The following ATOH8 variants were observed in gnomAD, a reference collection of about 807,000 sequenced individuals.
The protein encoded by ATOH8 is transcription factor ATOH8.
A neutral mutation model predicts 21.2 loss-of-function variants in ATOH8; 9 were observed. The ratio of observed to expected loss-of-function variants is 0.42; its 90% confidence interval spans 0.26 to 0.74. ATOH8 has a LOEUF of 0.74. Among genes scored for constraint, ATOH8 ranks in the 30% least tolerant of loss-of-function variants. The pLI is 0.24. For missense variants in ATOH8, 524 were observed against 470.9 expected (o/e 1.11, Z -1.04); for synonymous variants, 253 against 224.0 (o/e 1.13, Z -1.16).
At chr2:85,759,179 G>A (rs1230406675) in intron 1 of ATOH8, among the ~76,000 whole-genome samples, 1 of 152,152 alleles carries the variant, frequency 6.6e-6, no homozygotes, top group Non-Finnish European at 1.5e-5. Flanking sequence ...TGGGAATGGT[G>A]CCCTCAGCAC....
chr2:85,763,948 G>A, intron 1 of ATOH8, 43 bp from the exon 2 acceptor site: 1 of 1,589,816 alleles, frequency 6.3e-7, no homozygotes, highest in Non-Finnish European at 8.6e-7. Flanking sequence ...GCCAGGCTGG[G>A]CACTGCGCCC....
intron 1 of ATOH8, among the ~76,000 whole-genome samples, chr2:85,761,944 TG>T (rs1218385417): frequency 1.3e-5 from 2 of 152,132 alleles, no homozygotes; most frequent in Non-Finnish European, 2.9e-5. Flanking sequence ...TGGAAATGCA[TG>T]GGAGCTGGCT....
Position 85,756,430 on chromosome 2 carries a change from G to A in ATOH8, c.768+1473G>A, listed in dbSNP as rs79745073. Among the ~76,000 whole-genome samples the A allele has an allele frequency of 1.2e-4, 18 of 152,280 alleles. No homozygotes were observed. In the East Asian group the frequency reaches 2.7e-3, roughly 23 times the overall value. ...GTCCACCTGCCCACCTTGCCACTAG[G>A]GAAGCCCCTCCTAGACTGGGGAGGC... On this transcript the variant is annotated intron_variant, in intron 1 of 2. Transcript: ENST00000306279.
Position 85,788,991 on chromosome 2 carries a change from C to T in ATOH8, c.*2101C>T, listed in dbSNP as rs1403988664. On this transcript the variant is annotated 3_prime_UTR_variant, in exon 3 of 3. Coordinates refer to ENST00000306279, the MANE Select transcript of ATOH8 (RefSeq NM_032827.7). The stretch of plus-strand genomic sequence containing the variant: ...AGGTTCAGCCACCCTGTGAAGCTGG[C>T]ACAGATAACAGCACTGCTCTGTTGT... Among the ~76,000 whole-genome samples the T allele has an allele frequency of 7.2e-5, 11 of 152,318 alleles. No individual in the cohort carries two copies. In the East Asian group the frequency reaches 1.5e-3, roughly 21 times the overall value.
At position 85,766,366 on chromosome 2, in the gene ATOH8, C is replaced by T. The variant is rs1680015646; in HGVS notation, c.960+2184C>T. Among the ~76,000 whole-genome samples the T allele has an allele frequency of 6.6e-6, 1 of 152,038 alleles. No homozygotes were observed. Among genetic ancestry groups the T allele is most frequent in the South Asian group, 2.1e-4 (1 of 4,820 alleles). ...CACACCCAGCCCGGGCCTGAGGGCACTTCCTGCCTCCTGCCCTCAGTCTTT... is the reference window on the plus strand; with the variant it reads ...CACACCCAGCCCGGGCCTGAGGGCATTTCCTGCCTCCTGCCCTCAGTCTTT... On this transcript the variant is annotated intron_variant, in intron 2 of 2. Coordinates refer to ENST00000306279, the MANE Select transcript of ATOH8 (RefSeq NM_032827.7). This position sits in a 1 kb window ranked among gnomAD's most constrained non-coding sequence, Gnocchi z 4.0.
intron 2 of ATOH8, among the ~76,000 whole-genome samples, chr2:85,770,270 C>T (rs1292099759): frequency 6.6e-6 from 1 of 152,210 alleles, no homozygotes; most frequent in Non-Finnish European, 1.5e-5. Flanking sequence ...ATCACCTAAC[C>T]ACTAACAGAG....
chr2:85,779,768 C>A (rs35074676), intron 2 of ATOH8, among the ~76,000 whole-genome samples: 33,785 of 152,142 alleles, frequency 0.22, 3,966 homozygotes, highest in African/African-American at 0.26. Flanking sequence ...ATGTGTGCAG[C>A]GGTAGGCACC....
rs760149255 is a variant in ATOH8, at chr2:85,754,209, T to C, written c.20T>C (p.Leu7Pro). Reference protein sequence around the residue: MKHIPVLEDGPWKTVCV... With the variant: MKHIPVPEDGPWKTVCV... ...CGCGCCATGAAGCACATCCCGGTCC[T>C]CGAGGACGGGCCGTGGAAGACCGTG... is the stretch of plus-strand genomic sequence containing the variant. Residue 7 changes from leucine to proline, a missense_variant, in exon 1 of 3, where the codon CTC becomes CCC. Leu to Pro is a moderately conservative substitution (Grantham distance 98). Transcript: ENST00000306279. 5 of 1,597,992 alleles carry C rather than the reference T, an allele frequency of 3.1e-6. No homozygotes were observed. Among genetic ancestry groups the C allele is most frequent in the Admixed American group, 3.4e-5 (2 of 58,990 alleles).
At chr2:85,772,237 C>T (rs1364283857) in intron 2 of ATOH8, among the ~76,000 whole-genome samples, 2 of 152,248 alleles carry the variant, frequency 1.3e-5, no homozygotes, top group Non-Finnish European at 2.9e-5. Context: ...CTTTGTGCCG[C>T]CGGCGAGGAC....
chr2:85,764,645 G>GTCAT (rs889822589), intron 2 of ATOH8, among the ~76,000 whole-genome samples: 2 of 152,162 alleles, frequency 1.3e-5, no homozygotes, highest in South Asian at 4.1e-4. Context: ...GGCGGTGATG[G>GTCAT]TCATTCATTC....
chr2:85,756,277 G>A (rs1679692898), intron 1 of ATOH8, among the ~76,000 whole-genome samples: 1 of 152,168 alleles, frequency 6.6e-6, no homozygotes, highest in Admixed American at 6.5e-5. Flanking sequence ...TGGGTCCAGT[G>A]GAGCAGTCAG....
chr2:85,766,388 C>T lies in ATOH8; in HGVS notation c.960+2206C>T, dbSNP rs1271148156. The stretch of plus-strand genomic sequence containing the variant: ...GCACTTCCTGCCTCCTGCCCTCAGT[C>T]TTTCCCAGCTGGGTGAGGAGGTCAC... On this transcript the variant is annotated intron_variant, in intron 2 of 2. Transcript: ENST00000306279. The surrounding 1 kb of genome is among the most constrained non-coding windows in gnomAD (Gnocchi z 4.0). 6.6e-6 allele frequency among the ~76,000 whole-genome samples: 1 copy of T among 151,936 alleles called. No individual in the cohort carries two copies. The highest frequency in any genetic ancestry group is 1.5e-5 in the Non-Finnish European group (1 of 67,960).
chr2:85,764,389 G>T (rs1426152656), intron 2 of ATOH8, among the ~76,000 whole-genome samples: 1 of 152,176 alleles, frequency 6.6e-6, no homozygotes, highest in Non-Finnish European at 1.5e-5. Flanking sequence ...CGGCTGCTGG[G>T]TGACCTCGAA....
chr2:85,784,109 T>A (rs1390902013), intron 2 of ATOH8, among the ~76,000 whole-genome samples: 2 of 152,184 alleles, frequency 1.3e-5, no homozygotes, highest in African/African-American at 4.8e-5. Flanking sequence ...CTGCTGACCT[T>A]TGCAAGCCCT....
chr2:85,766,749 T>C lies in ATOH8; in HGVS notation c.960+2567T>C, dbSNP rs1012160211. On this transcript the variant is annotated intron_variant, in intron 2 of 2. Coordinates refer to ENST00000306279, the MANE Select transcript of ATOH8 (RefSeq NM_032827.7). The surrounding 1 kb of genome is among the most constrained non-coding windows in gnomAD (Gnocchi z 4.0). ...GGCAGCCCTTCCAGGCAGGCCCCTG[T>C]GTCCCGCTTCTGGGCACCTATGCTT... Among the ~76,000 whole-genome samples the C allele has an allele frequency of 1.3e-5, 2 of 152,194 alleles. No homozygotes were observed. Among genetic ancestry groups the C allele is most frequent in the Non-Finnish European group, 2.9e-5 (2 of 68,024 alleles).
rs1011828495 is a variant in ATOH8 at position 85,789,825 on chromosome 2, G to A, written c.*2935G>A. Among the ~76,000 whole-genome samples the A allele has an allele frequency of 1.1e-4, 17 of 152,086 alleles. No individual in the cohort carries two copies. Among genetic ancestry groups the A allele is most frequent in the Non-Finnish European group, 2.9e-5 (2 of 68,028 alleles). ...CGATTTGGGAGACAGGCTCTGGGTG[G>A]ATGTGTGTGTGTGCACACATATGTA... On this transcript the variant is annotated 3_prime_UTR_variant, in exon 3 of 3. Transcript: ENST00000306279.
At chr2:85,778,548 C>T (rs1474472915) in intron 2 of ATOH8, among the ~76,000 whole-genome samples, 2 of 152,204 alleles carry the variant, frequency 1.3e-5, no homozygotes, top group Non-Finnish European at 2.9e-5. Flanking sequence ...CTCCAAGCCA[C>T]GGGTGCCCCA....
Position 85,766,510 on chromosome 2 carries a change from CAT to C in ATOH8, c.960+2331_960+2332del, listed in dbSNP as rs778416298. Among the ~76,000 whole-genome samples the C allele has an allele frequency of 3.3e-5, 5 of 152,150 alleles. No individual in the cohort carries two copies. The highest frequency in any genetic ancestry group is 7.3e-5 in the Non-Finnish European group (5 of 68,028). ...ATCATATGTGTGGTGACACATTTCT[CAT>C]ATGAAACCACTCAGGAAGCCCTGGC... On this transcript the variant is annotated intron_variant, in intron 2 of 2. Coordinates refer to ENST00000306279, the MANE Select transcript of ATOH8 (RefSeq NM_032827.7). This position sits in a 1 kb window ranked among gnomAD's most constrained non-coding sequence, Gnocchi z 4.0.
At chr2:85,767,431 AG>A (rs1680045781) in intron 2 of ATOH8, among the ~76,000 whole-genome samples, 1 of 151,718 alleles carries the variant, frequency 6.6e-6, no homozygotes, top group African/African-American at 2.4e-5. Flanking sequence ...AGGTGCTGGG[AG>A]GAAGAGCCCC....
Sources: gnomAD v4.1 joint callset for allele counts (sites outside exome capture counted in the v4.1 genomes callset) on GRCh38, gnomAD v4.1.1 for gene constraint, Gnocchi (gnomAD v3.1) non-coding constraint, MANE v1.5 for transcripts, NCBI Gene and HGNC (gene_info 2026-07-23, HGNC 2026-07-21) for gene names.